The following EGFLAM variants were observed in gnomAD, a reference collection of about 807,000 sequenced individuals.
EGFLAM encodes pikachurin.
In EGFLAM, 79 loss-of-function variants were observed where a neutral mutation model predicts 113.1. That is an observed-to-expected ratio of 0.70 (90% confidence interval 0.58 to 0.84). The LOEUF is 0.84. Ranked by LOEUF, EGFLAM falls within the 40% of genes least tolerant of loss-of-function variation. The pLI, the probability that EGFLAM is intolerant of heterozygous loss-of-function variation, is 0.00. For synonymous variants in EGFLAM, 504 were observed against 487.6 expected, an observed-to-expected ratio of 1.03 and a Z score of -0.44; for missense variants, 1,265 against 1,291.6, an observed-to-expected ratio of 0.98 and a Z score of 0.32.
chr5:38,296,486 C>T (rs1049871133), intron 1 of EGFLAM, among the ~76,000 whole-genome samples: 2 of 152,024 alleles, frequency 1.3e-5, no homozygotes, highest in African/African-American at 4.8e-5. Flanking sequence ...ATTTTCTTTA[C>T]AGTAGAATTC....
chr5:38,423,171 CA>C (rs1289685858), intron 12 of EGFLAM, among the ~76,000 whole-genome samples: 1 of 152,216 alleles, frequency 6.6e-6, no homozygotes, highest in Non-Finnish European at 1.5e-5. Context: ...TTTCAAGCTA[CA>C]AACCTTGAGA....
At chr5:38,434,941 C>T (rs1036767798) in intron 15 of EGFLAM, among the ~76,000 whole-genome samples, 196 bp from the exon 16 acceptor site, 1 of 152,200 alleles carries the variant, frequency 6.6e-6, no homozygotes, top group Non-Finnish European at 1.5e-5. Flanking sequence ...TTAAGACGTT[C>T]ACCAACATTC....
chr5:38,384,710 T>G (rs560889437), intron 6 of EGFLAM, among the ~76,000 whole-genome samples: 24 of 152,170 alleles, frequency 1.6e-4, no homozygotes, highest in Non-Finnish European at 1.3e-4. Flanking sequence ...GTTAAGAAAG[T>G]TTGGGGATCT....
At chr5:38,421,052 T>C (rs1400610275) in intron 12 of EGFLAM, among the ~76,000 whole-genome samples, 2 of 152,230 alleles carry the variant, frequency 1.3e-5, no homozygotes, top group Non-Finnish European at 2.9e-5. Context: ...CCTCCTGAAA[T>C]TCAAGTTTTT....
intron 1 of EGFLAM, among the ~76,000 whole-genome samples, chr5:38,283,179 A>C (rs979368197): frequency 1.3e-5 from 2 of 152,102 alleles, no homozygotes; most frequent in African/African-American, 4.8e-5. Context: ...ATCACAGTAC[A>C]GTCTACAGTC....
At chr5:38,299,479 A>C (rs1021486783) in intron 1 of EGFLAM, among the ~76,000 whole-genome samples, 1 of 152,142 alleles carries the variant, frequency 6.6e-6, no homozygotes, top group Non-Finnish European at 1.5e-5. Context: ...CCCCAATGTC[A>C]GAGGTGGGCC....
At chr5:38,274,218 A>G (rs890363594) in intron 1 of EGFLAM, among the ~76,000 whole-genome samples, 1 of 152,222 alleles carries the variant, frequency 6.6e-6, no homozygotes, top group Non-Finnish European at 1.5e-5. Flanking sequence ...GCGTCGAAAC[A>G]GCAAATGTTT....
chr5:38,322,019 C>G (rs575071255), intron 1 of EGFLAM, among the ~76,000 whole-genome samples: 1 of 152,330 alleles, frequency 6.6e-6, no homozygotes, highest in South Asian at 2.1e-4. Flanking sequence ...CCTTGAATAT[C>G]CACTTCAAGA....
intron 5 of EGFLAM, among the ~76,000 whole-genome samples, chr5:38,365,209 T>A (rs2112021890): frequency 6.6e-6 from 1 of 152,334 alleles, no homozygotes; most frequent in East Asian, 1.9e-4. Flanking sequence ...GAACAGGAGT[T>A]CTCAAACTGA....
intron 1 of EGFLAM, among the ~76,000 whole-genome samples, chr5:38,313,390 T>C (rs1738507354): frequency 6.6e-6 from 1 of 152,212 alleles, no homozygotes; most frequent in Non-Finnish European, 1.5e-5. Flanking sequence ...AAATATGTTA[T>C]CATAATTTGC....
intron 3 of EGFLAM, among the ~76,000 whole-genome samples, chr5:38,339,765 T>C (rs1482182140): frequency 6.6e-6 from 1 of 152,218 alleles, no homozygotes; most frequent in African/African-American, 2.4e-5. Flanking sequence ...CCTTGCTGGT[T>C]CTACCAAAGC....
intron 1 of EGFLAM, among the ~76,000 whole-genome samples, chr5:38,289,103 A>T (rs1460885464): frequency 6.6e-6 from 1 of 152,146 alleles, no homozygotes; most frequent in Non-Finnish European, 1.5e-5. Context: ...CTCAGGTCTC[A>T]TAGCAAACCA....
chr5:38,445,457 G>C, intron 17 of EGFLAM: 1 of 1,415,950 alleles, frequency 7.1e-7, no homozygotes, highest in Non-Finnish European at 9.2e-7. Flanking sequence ...AAGAGGTGAG[G>C]AGGCGGGTGG....
At chr5:38,328,489 T>C (rs1264538361) in intron 1 of EGFLAM, among the ~76,000 whole-genome samples, 3 of 152,180 alleles carry the variant, frequency 2.0e-5, no homozygotes, top group Non-Finnish European at 4.4e-5. Context: ...TTTATGGCCC[T>C]GGATATCATT....
At position 38,272,758 on chromosome 5, in the gene EGFLAM, A is replaced by ATGTGTGTG. The variant is rs148444332; in HGVS notation, c.97+13919_97+13926dup. ...AGTTGACTTTTTGAGAGGTGTGTGT[A>ATGTGTGTG]TGTGTGTGTGTGTGTGTGTCTGTGT... On this transcript the variant is annotated intron_variant, in intron 1 of 21. Coordinates refer to ENST00000322350, the MANE Select transcript of EGFLAM (RefSeq NM_152403.4). Among the ~76,000 whole-genome samples the ATGTGTGTG allele has an allele frequency of 9.6e-4, 144 of 150,754 alleles. 1 individual carries two copies. Among genetic ancestry groups the ATGTGTGTG allele is most frequent in the African/African-American group, 3.2e-3 (133 of 41,188 alleles).
At chr5:38,385,007 G>C (rs1740619506) in intron 6 of EGFLAM, among the ~76,000 whole-genome samples, 1 of 152,052 alleles carries the variant, frequency 6.6e-6, no homozygotes, top group Non-Finnish European at 1.5e-5. Context: ...CTACAATGGA[G>C]AATTATCTAG....
chr5:38,296,698 A>G lies in EGFLAM; in HGVS notation c.97+37847A>G, dbSNP rs566769236. 4.6e-5 allele frequency among the ~76,000 whole-genome samples: 7 copies of G among 151,490 alleles called. No individual in the cohort carries two copies. The South Asian group carries it at 1.2e-3, about 27-fold the overall frequency. Reference sequence around the variant, plus strand: ...ATTATAAAATATAATTTTTATAATTATATTTGTAATATATGCATTTTTACA... The same window carrying G: ...ATTATAAAATATAATTTTTATAATTGTATTTGTAATATATGCATTTTTACA... On this transcript the variant is annotated intron_variant, in intron 1 of 21. Transcript: ENST00000322350.
chr5:38,379,724 C>T (rs754016956), intron 6 of EGFLAM, among the ~76,000 whole-genome samples: 1 of 151,500 alleles, frequency 6.6e-6, no homozygotes, highest in Non-Finnish European at 1.5e-5. Flanking sequence ...TAAAAGACTG[C>T]AGTGATCAGA....
At chr5:38,348,452 G>A (rs1408207988) in intron 3 of EGFLAM, among the ~76,000 whole-genome samples, 1 of 152,208 alleles carries the variant, frequency 6.6e-6, no homozygotes, top group Non-Finnish European at 1.5e-5. Context: ...CCATGGAAGA[G>A]CAGAGTCATG....
Sources: gnomAD v4.1 joint callset for allele counts (sites outside exome capture counted in the v4.1 genomes callset) on GRCh38, gnomAD v4.1.1 for gene constraint, MANE v1.5 for transcripts, NCBI Gene and HGNC (gene_info 2026-07-23, HGNC 2026-07-21) for gene names.